ZBTB20: variants seen among roughly 807,000 people sequenced by gnomAD.
The protein encoded by ZBTB20 is zinc finger and BTB domain containing 20.
Under a neutral mutation model 56.9 loss-of-function variants are expected in ZBTB20, and 9 were observed. The observed-to-expected ratio is 0.16, with a 90% CI of 0.10 to 0.28. The LOEUF is 0.28. Among genes scored for constraint, ZBTB20 ranks in the 10% least tolerant of loss-of-function variants. The pLI is 1.00. For missense variants in ZBTB20, 655 were observed against 1,003.0 expected (o/e 0.65, Z 4.69); for synonymous variants, 417 against 420.7 (o/e 0.99, Z 0.11).
chr3:114,842,101 T>G (rs934792492), intron 4 of ZBTB20, among the ~76,000 whole-genome samples: 3 of 152,226 alleles, frequency 2.0e-5, no homozygotes, highest in African/African-American at 7.2e-5. Flanking sequence ...CAGGACTTCT[T>G]GAAGATAAAA....
At chr3:114,803,575 A>G (rs1578939446) in intron 4 of ZBTB20, among the ~76,000 whole-genome samples, 1 of 151,830 alleles carries the variant, frequency 6.6e-6, no homozygotes, top group South Asian at 2.1e-4. Context: ...GTTGTCTTTG[A>G]TATGAATAGT....
At chr3:114,688,589 C>A (rs2062497442) in intron 6 of ZBTB20, among the ~76,000 whole-genome samples, 1 of 152,136 alleles carries the variant, frequency 6.6e-6, no homozygotes, top group South Asian at 2.1e-4. Flanking sequence ...TTACCTCTTA[C>A]AAACAGCCTT....
At chr3:114,500,918 G>A (rs1160541016) in intron 6 of ZBTB20, among the ~76,000 whole-genome samples, 2 of 152,186 alleles carry the variant, frequency 1.3e-5, no homozygotes, top group African/African-American at 4.8e-5. Context: ...GCACTGACTA[G>A]AATAGGTAAA....
intron 7 of ZBTB20, among the ~76,000 whole-genome samples, chr3:114,498,124 T>TTA (rs1310104377): frequency 1.6e-4 from 24 of 152,338 alleles, no homozygotes; most frequent in Middle Eastern, 3.4e-3. Flanking sequence ...GAATCTGAAT[T>TTA]GTATAGAGAC....
intron 3 of ZBTB20, among the ~76,000 whole-genome samples, chr3:114,949,919 A>G (rs1042289489): frequency 1.1e-4 from 17 of 152,130 alleles, no homozygotes; most frequent in African/African-American, 4.1e-4. Flanking sequence ...AACAAACCCA[A>G]CTGGAAAATG....
intron 7 of ZBTB20, among the ~76,000 whole-genome samples, chr3:114,406,320 C>T (rs1267662721): frequency 6.6e-6 from 1 of 152,112 alleles, no homozygotes; most frequent in East Asian, 1.9e-4. Flanking sequence ...GAAAGAGTTA[C>T]TAAAATTAAG....
At chr3:114,849,494 C>T (rs549816926) in intron 4 of ZBTB20, among the ~76,000 whole-genome samples, 2 of 152,266 alleles carry the variant, frequency 1.3e-5, no homozygotes, top group South Asian at 4.2e-4. Context: ...GCATAGCAAA[C>T]TATAAGTCTT....
At chr3:114,452,249 T>C (rs1176287057) in intron 7 of ZBTB20, among the ~76,000 whole-genome samples, 1 of 152,128 alleles carries the variant, frequency 6.6e-6, no homozygotes, top group Non-Finnish European at 1.5e-5. Flanking sequence ...TTCTCTTATT[T>C]GGATGACATT....
chr3:114,702,748 T>C (rs764509635), intron 5 of ZBTB20, among the ~76,000 whole-genome samples: 76 of 151,636 alleles, frequency 5.0e-4, no homozygotes, highest in Non-Finnish European at 8.0e-4. Flanking sequence ...TTTTCTAAAA[T>C]CTTTGCTGAA....
At chr3:114,370,804 T>G (rs1339995148) in intron 10 of ZBTB20, among the ~76,000 whole-genome samples, 1 of 152,212 alleles carries the variant, frequency 6.6e-6, no homozygotes, top group Non-Finnish European at 1.5e-5. Flanking sequence ...TAGCTCATAC[T>G]CGGCACTATA....
At chr3:114,419,496 T>C (rs969389664) in intron 7 of ZBTB20, among the ~76,000 whole-genome samples, 1 of 152,088 alleles carries the variant, frequency 6.6e-6, no homozygotes, top group African/African-American at 2.4e-5. Flanking sequence ...TGCTGTCACA[T>C]TGAGGCTGCT....
intron 10 of ZBTB20, among the ~76,000 whole-genome samples, chr3:114,376,477 T>C (rs1215962633): frequency 6.6e-6 from 1 of 152,178 alleles, no homozygotes; most frequent in Non-Finnish European, 1.5e-5. Flanking sequence ...AAAAATTGCT[T>C]AAAAGTTCAA....
chr3:115,098,252 G>C (rs1163026142), intron 1 of ZBTB20, among the ~76,000 whole-genome samples: 1 of 152,098 alleles, frequency 6.6e-6, no homozygotes, highest in Non-Finnish European at 1.5e-5. Context: ...TACAGAAAAA[G>C]AGAATGACTA....
chr3:115,048,279 C>A (rs1459687569), intron 2 of ZBTB20, among the ~76,000 whole-genome samples: 1 of 152,042 alleles, frequency 6.6e-6, no homozygotes, highest in African/African-American at 2.4e-5. Flanking sequence ...AATCCTAAAT[C>A]TTTTCTTAAT....
At chr3:115,019,270 A>T (rs2080107480) in intron 2 of ZBTB20, among the ~76,000 whole-genome samples, 1 of 151,302 alleles carries the variant, frequency 6.6e-6, no homozygotes, top group East Asian at 2.0e-4. Flanking sequence ...TTTGTTGACA[A>T]ATAATTTATG....
intron 5 of ZBTB20, chr3:114,758,753 A>T (rs1236952461): frequency 6.6e-6 from 1 of 152,168 alleles, no homozygotes. Flanking sequence ...ACTGAAACTA[A>T]ATTTCCAACT....
At chr3:114,994,053 AT>A (rs1560472710) in intron 2 of ZBTB20, among the ~76,000 whole-genome samples, 1 of 151,840 alleles carries the variant, frequency 6.6e-6, no homozygotes, top group African/African-American at 2.4e-5. Flanking sequence ...TGATCAAAAA[AT>A]ATTAATCATT....
intron 3 of ZBTB20, among the ~76,000 whole-genome samples, chr3:114,926,761 G>A (rs573993891): frequency 2.4e-4 from 37 of 152,240 alleles, no homozygotes; most frequent in African/African-American, 8.7e-4. Flanking sequence ...TTAGTCAATA[G>A]TTCATATTGT....
intron 7 of ZBTB20, among the ~76,000 whole-genome samples, chr3:114,455,549 G>A (rs2091960541): frequency 6.6e-6 from 1 of 152,116 alleles, no homozygotes; most frequent in African/African-American, 2.4e-5. Context: ...GTCTAGGAGT[G>A]TAGCAGACAG....
Sources: gnomAD v4.1 joint callset for allele counts (sites outside exome capture counted in the v4.1 genomes callset) on GRCh38, gnomAD v4.1.1 for gene constraint, MANE v1.5 for transcripts, NCBI Gene and HGNC (gene_info 2026-07-23, HGNC 2026-07-21) for gene names.